Variants in PGM2L1 observed in about 807,000 individuals in gnomAD.
The protein encoded by PGM2L1 is phosphoglucomutase 2 like 1.
PGM2L1 carries 35 observed loss-of-function variants against 73.4 expected under a neutral mutation model. The ratio of observed to expected loss-of-function variants is 0.48; its 90% CI spans 0.36 to 0.63. The LOEUF (loss-of-function observed/expected upper bound fraction) is 0.63, where lower values mean the gene tolerates loss of function less well. PGM2L1 is among the 30% of genes least tolerant of loss of function. The probability of loss-of-function intolerance (pLI) is 0.00; values close to 1 mark genes in which losing one functional copy is unlikely to be tolerated. For missense variants in PGM2L1, 570 were observed against 742.0 expected, an observed-to-expected ratio of 0.77 and a Z score of 2.69; for synonymous variants, 225 against 253.8, an observed-to-expected ratio of 0.89 and a Z score of 1.08.
At chr11:74,363,636 C>T (rs1411217166) in intron 5 of PGM2L1, among the ~76,000 whole-genome samples, 1 of 152,152 alleles carries the variant, frequency 6.6e-6, no homozygotes, top group African/African-American at 2.4e-5. Context: ...TTCCTGGACA[C>T]ATACACCCTC....
At chr11:74,373,298 G>A (rs1402870268) in intron 2 of PGM2L1, among the ~76,000 whole-genome samples, 1 of 152,220 alleles carries the variant, frequency 6.6e-6, no homozygotes, top group Non-Finnish European at 1.5e-5. Flanking sequence ...TGAGGAATAG[G>A]GGGAGGTGTG....
chr11:74,351,518 C>T lies in PGM2L1; in HGVS notation c.614G>A (p.Cys205Tyr), dbSNP rs370110352. Residue 205 changes from cysteine (C) to tyrosine (Y), a missense_variant, in exon 6 of 14, where the codon TGT becomes TAT. Transcript: ENST00000298198. Reference protein sequence around the residue: ...TSPHDKEILKCIEECVEPWNG... With the variant: ...TSPHDKEILKYIEECVEPWNG... ...CCAGGGTTCCACACATTCTTCTATA[C>T]ATTTTAGAATTTCTTTATCATGAGG... 3 of 1,613,366 alleles carry T rather than the reference C, an allele frequency of 1.9e-6. No homozygotes were observed. Among genetic ancestry groups the T allele is most frequent in the Non-Finnish European group, 2.5e-6 (3 of 1,179,790 alleles).
intron 5 of PGM2L1, among the ~76,000 whole-genome samples, chr11:74,352,887 G>C (rs1338017297): frequency 6.6e-6 from 1 of 152,222 alleles, no homozygotes; most frequent in Non-Finnish European, 1.5e-5. Context: ...TAATGCCCAT[G>C]TGCAAGGTAG....
At chr11:74,343,862 T>C (rs1238724098) in intron 9 of PGM2L1, among the ~76,000 whole-genome samples, 1 of 126,988 alleles carries the variant, frequency 7.9e-6, no homozygotes, top group Non-Finnish European at 1.6e-5. Context: ...CACTGCAACC[T>C]CCGTCTCCCA....
intron 1 of PGM2L1, among the ~76,000 whole-genome samples, chr11:74,383,396 TA>T (rs1238261738): frequency 1.3e-5 from 2 of 152,166 alleles, no homozygotes; most frequent in Non-Finnish European, 2.9e-5. Flanking sequence ...AAGGATTACT[TA>T]TGTAATCAAG....
At chr11:74,395,031 A>G (rs1483883045) in intron 1 of PGM2L1, among the ~76,000 whole-genome samples, 1 of 152,188 alleles carries the variant, frequency 6.6e-6, no homozygotes, top group Non-Finnish European at 1.5e-5. Flanking sequence ...TCTGCACTCT[A>G]AATTTCAGTG....
chr11:74,373,953 G>C (rs1862813652), intron 2 of PGM2L1, among the ~76,000 whole-genome samples: 1 of 144,620 alleles, frequency 6.9e-6, no homozygotes, highest in South Asian at 2.2e-4. Context: ...CTAAAGGTCA[G>C]AATTGAGTCT....
In PGM2L1 at chr11:74,371,740, A is replaced by C; in HGVS notation, c.357T>G (p.Gly119=). Residue 119 remains glycine, a synonymous_variant, in exon 3 of 14, where the codon GGT becomes GGG. Transcript: ENST00000298198. The part of the protein sequence containing the change: ...RGFVVGYDTR[G]QVTSSCSSQR... ...GGCTGCTGCAGCTGCTAGTTACTTG[A>C]CCCCGAGTGTCATACCCAACCACAA... 6.2e-7 allele frequency: 1 copy of C among 1,613,860 alleles called. No homozygotes were observed. Among genetic ancestry groups the C allele is most frequent in the Non-Finnish European group, 8.5e-7 (1 of 1,179,842 alleles).
chr11:74,390,744 C>A (rs1026768657), intron 1 of PGM2L1, among the ~76,000 whole-genome samples: 3 of 152,064 alleles, frequency 2.0e-5, no homozygotes, highest in African/African-American at 7.2e-5. Context: ...AAGCCCAAAC[C>A]CAAAATAACT....
chr11:74,346,887 G>A (rs1446855128), intron 7 of PGM2L1, 58 bp from the exon 8 acceptor site: 24 of 1,269,982 alleles, frequency 1.9e-5, no homozygotes, highest in East Asian at 2.3e-5. Context: ...CAATGTTAAC[G>A]TTCCTGTATG....
At chr11:74,385,630 G>GTTTTTGCTT (rs1288634229) in intron 1 of PGM2L1, among the ~76,000 whole-genome samples, 13 of 151,930 alleles carry the variant, frequency 8.6e-5, no homozygotes, top group African/African-American at 3.1e-4. Context: ...TCTGTCAACT[G>GTTTTTGCTT]AGATTCCATA....
At chr11:74,396,950 G>A (rs1247855874) in intron 1 of PGM2L1, among the ~76,000 whole-genome samples, 6 of 152,200 alleles carry the variant, frequency 3.9e-5, no homozygotes, top group African/African-American at 1.4e-4. Context: ...GTTGAGGGCA[G>A]GAACCCTTTC....
Position 74,347,088 on chromosome 11 carries a change from A to T in PGM2L1, c.939+60T>A, listed in dbSNP as rs964855651. 9 of 1,274,484 alleles carry T rather than the reference A, an allele frequency of 7.1e-6. No individual in the cohort carries two copies. The African/African-American group carries it at 1.1e-4, about 15-fold the overall frequency. The allele number at this position is 1,274,484 out of a possible 1,614,324, so 78.9% of individuals were successfully genotyped here. On this transcript the variant is annotated intron_variant, in intron 7 of 13. Coordinates refer to ENST00000298198, the MANE Select transcript of PGM2L1 (RefSeq NM_173582.6). ...GTAAGTAATCTTTGAATTGTCAATG[A>T]GTTCTATCTATTCTGATGGTTTAAT...
intron 1 of PGM2L1, among the ~76,000 whole-genome samples, chr11:74,385,432 AAGG>A (rs545854838): frequency 2.9e-4 from 44 of 152,270 alleles, no homozygotes; most frequent in African/African-American, 9.9e-4. Context: ...TGGACAATTT[AAGG>A]GTTTACAAGG....
In PGM2L1 at chr11:74,368,574, G is replaced by T; in HGVS notation, c.473C>A (p.Pro158Gln). 1.2e-6 allele frequency: 2 copies of T among 1,612,764 alleles called. No individual in the cohort carries two copies. Among genetic ancestry groups the T allele is most frequent in the South Asian group, 2.2e-5 (2 of 91,036 alleles). The change falls in exon 5 of 14, where the codon CCA becomes CAA. Residue 158 changes from proline (P) to glutamine (Q), a missense_variant and splice_region_variant. Transcript: ENST00000298198. ...TGCTTTGAGCTTCTGAACTGCATAT[G>T]GCTGAAAAATAAATAACACCATAAT... is the stretch of plus-strand genomic sequence containing the variant. ...FSRYVPTPFV[P>Q]YAVQKLKAVA... is the part of the protein sequence containing the mutation.
At chr11:74,389,826 G>A (rs1406348852) in intron 1 of PGM2L1, among the ~76,000 whole-genome samples, 1 of 149,406 alleles carries the variant, frequency 6.7e-6, no homozygotes, top group African/African-American at 2.5e-5. Context: ...GGAACTGGCC[G>A]GGTGCGGTGG....
At position 74,374,666 on chromosome 11, in the gene PGM2L1, T is replaced by C; in HGVS notation, c.112-84A>G. Reference sequence around the variant, plus strand: ...CCCTTCTGAGGGGTCAATATGTACATATCACAAGGTTCAACATTCAATATA... The same window carrying C: ...CCCTTCTGAGGGGTCAATATGTACACATCACAAGGTTCAACATTCAATATA... On this transcript the variant is annotated intron_variant, in intron 1 of 13. Coordinates refer to ENST00000298198, the MANE Select transcript of PGM2L1 (RefSeq NM_173582.6). 5.2e-6 allele frequency: 6 copies of C among 1,149,016 alleles called. No individual in the cohort carries two copies. The South Asian group carries it at 9.3e-5, about 18-fold the overall frequency. 71.2% of individuals were successfully genotyped at this position (1,149,016 alleles called of 1,614,324 possible).
chr11:74,340,671 A>G (rs112347028), intron 12 of PGM2L1, among the ~76,000 whole-genome samples: 7 of 152,222 alleles, frequency 4.6e-5, no homozygotes, highest in African/African-American at 1.7e-4. Flanking sequence ...CAGCCACAAC[A>G]TAGGCAGCAA....
intron 5 of PGM2L1, among the ~76,000 whole-genome samples, chr11:74,353,379 C>CG (rs1452008843): frequency 2.0e-5 from 3 of 150,044 alleles, no homozygotes; most frequent in Non-Finnish European, 4.4e-5. Flanking sequence ...GGGTGTTTCT[C>CG]GGAGAGGGGG....
Sources: allele counts gnomAD v4.1 joint callset (sites outside exome capture counted in the v4.1 genomes callset), GRCh38; gene constraint gnomAD v4.1.1; transcripts MANE v1.5; gene names NCBI Gene and HGNC (gene_info 2026-07-23, HGNC 2026-07-21).